ZNF704: variants seen among roughly 807,000 people sequenced by gnomAD.
The protein encoded by ZNF704 is glucocorticoid induced gene 1.
A neutral mutation model predicts 44.7 loss-of-function variants in ZNF704; 10 were observed. The ratio of observed to expected loss-of-function variants is 0.22; its 90% CI spans 0.14 to 0.38. The LOEUF is 0.38. Ranked by LOEUF, ZNF704 falls within the 10% of genes least tolerant of loss-of-function variation. The pLI is 1.00. For missense variants in ZNF704, 390 were observed against 545.5 expected, an observed-to-expected ratio of 0.71 and a Z score of 2.84; for synonymous variants, 211 against 207.6, an observed-to-expected ratio of 1.02 and a Z score of -0.14.
upstream of ZNF704, among the ~76,000 whole-genome samples, chr8:80,876,793 C>T (rs1404213048): frequency 1.3e-5 from 2 of 152,126 alleles, no homozygotes; most frequent in Non-Finnish European, 2.9e-5. Flanking sequence ...GGTAGGTAAA[C>T]AAGGTGGCTT....
At chr8:80,807,080 G>A (rs1206155148) in intron 2 of ZNF704, among the ~76,000 whole-genome samples, 2 of 152,176 alleles carry the variant, frequency 1.3e-5, no homozygotes, top group East Asian at 3.8e-4. Context: ...GCTCAGCTGG[G>A]TATGATTCCA....
intron 7 of ZNF704, among the ~76,000 whole-genome samples, chr8:80,649,404 C>T (rs548300928): frequency 6.6e-6 from 1 of 152,298 alleles, no homozygotes; most frequent in Non-Finnish European, 1.5e-5. Context: ...TCAGGGAATT[C>T]CCTTTCCTAG....
At chr8:80,781,847 G>C (rs1258449109) in intron 2 of ZNF704, among the ~76,000 whole-genome samples, 1 of 152,312 alleles carries the variant, frequency 6.6e-6, no homozygotes, top group African/African-American at 2.4e-5. Context: ...ATTGGGACTA[G>C]ATGAGAAAGC....
intron 2 of ZNF704, among the ~76,000 whole-genome samples, chr8:80,803,013 G>A (rs1038314315): frequency 3.9e-5 from 6 of 152,020 alleles, no homozygotes; most frequent in African/African-American, 7.2e-5. Context: ...AAAAATCAAC[G>A]TGCAAAAATC....
intron 2 of ZNF704, among the ~76,000 whole-genome samples, chr8:80,808,807 TG>T (rs1808035976): frequency 1.3e-5 from 2 of 152,264 alleles, no homozygotes; most frequent in African/African-American, 2.4e-5. Flanking sequence ...TTATCAACTG[TG>T]GTTAGAAAGA....
intron 2 of ZNF704, among the ~76,000 whole-genome samples, chr8:80,747,484 G>C (rs1806867016): frequency 1.3e-5 from 2 of 152,248 alleles, no homozygotes; most frequent in South Asian, 4.1e-4. Flanking sequence ...AGTAGGGAGT[G>C]GGACTGGGGA....
chr8:80,773,668 T>C (rs576345682), intron 2 of ZNF704, among the ~76,000 whole-genome samples: 5 of 152,364 alleles, frequency 3.3e-5, no homozygotes, highest in Non-Finnish European at 5.9e-5. Flanking sequence ...TGATTTGTGA[T>C]TCATTACTGA....
At chr8:80,770,359 T>C (rs1807300054) in intron 2 of ZNF704, among the ~76,000 whole-genome samples, 1 of 152,164 alleles carries the variant, frequency 6.6e-6, no homozygotes, top group Non-Finnish European at 1.5e-5. Flanking sequence ...TGGTAACCAT[T>C]AATTTGTTCT....
intron 1 of ZNF704, among the ~76,000 whole-genome samples, chr8:80,870,306 A>C (rs949821252): frequency 2.0e-5 from 3 of 152,238 alleles, no homozygotes; most frequent in Non-Finnish European, 4.4e-5. Context: ...TCTTTTAAAA[A>C]AACCTAGGCC....
intron 2 of ZNF704, among the ~76,000 whole-genome samples, chr8:80,702,296 G>C (rs185987289): frequency 6.6e-6 from 1 of 152,316 alleles, no homozygotes; most frequent in Admixed American, 6.5e-5. Context: ...AGAGTGGAGA[G>C]GACATTGCCA....
intron 2 of ZNF704, among the ~76,000 whole-genome samples, chr8:80,767,073 A>G (rs963890295): frequency 6.6e-6 from 1 of 152,142 alleles, no homozygotes; most frequent in Non-Finnish European, 1.5e-5. Flanking sequence ...ACTTTCCACA[A>G]TAAAAGTCCA....
At chr8:80,676,257 A>T (rs919898223) in intron 4 of ZNF704, among the ~76,000 whole-genome samples, 1 of 152,200 alleles carries the variant, frequency 6.6e-6, no homozygotes, top group Admixed American at 6.5e-5. Flanking sequence ...CTGACCTATG[A>T]GCAGTCAAGG....
At chr8:80,871,503 T>C (rs978944092) in intron 1 of ZNF704, among the ~76,000 whole-genome samples, 5 of 152,218 alleles carry the variant, frequency 3.3e-5, no homozygotes, top group African/African-American at 9.7e-5. Context: ...CTCTAAGATA[T>C]CATGATTTTC....
chr8:80,861,017 G>T (rs192328916), intron 1 of ZNF704, among the ~76,000 whole-genome samples: 1 of 152,158 alleles, frequency 6.6e-6, no homozygotes, highest in Non-Finnish European at 1.5e-5. Context: ...AATGAAAGAA[G>T]AATGTCCATC....
In ZNF704 at chr8:80,779,408, A is replaced by G. The variant is rs530634812; in HGVS notation, c.221+41966T>C. ...AGGAGCACACCACTACATCCAGCTA[A>G]TTTTTGTGGGTTATTCTTAACAAGT... On this transcript the variant is annotated intron_variant, in intron 2 of 8. Coordinates refer to ENST00000327835, the MANE Select transcript of ZNF704 (RefSeq NM_001033723.3). Among the ~76,000 whole-genome samples the G allele has an allele frequency of 4.6e-5, 7 of 152,064 alleles. No homozygotes were observed. The East Asian group carries it at 1.4e-3, about 29-fold the overall frequency.
chr8:80,646,450 T>C (rs1222906065), intron 7 of ZNF704, among the ~76,000 whole-genome samples: 1 of 147,194 alleles, frequency 6.8e-6, no homozygotes, highest in East Asian at 2.0e-4. Flanking sequence ...CACTCTAGCC[T>C]GGGCAACAGA....
At chr8:80,652,117 A>C (rs1040713657) in intron 7 of ZNF704, among the ~76,000 whole-genome samples, 23 of 152,244 alleles carry the variant, frequency 1.5e-4, no homozygotes, top group Non-Finnish European at 3.2e-4. Flanking sequence ...CTTTGAAACC[A>C]ATGAGAACAA....
At chr8:80,837,915 C>T (rs1406782789) in intron 1 of ZNF704, among the ~76,000 whole-genome samples, 1 of 152,168 alleles carries the variant, frequency 6.6e-6, no homozygotes, top group Non-Finnish European at 1.5e-5. Flanking sequence ...CTATCTTTGA[C>T]TTTTCCCCAC....
chr8:80,676,319 G>A (rs1049944508), intron 4 of ZNF704, among the ~76,000 whole-genome samples: 2 of 152,202 alleles, frequency 1.3e-5, no homozygotes, highest in Non-Finnish European at 2.9e-5. Context: ...GCTGATGGGA[G>A]TGACTGCAAA....
Sources: gnomAD v4.1 joint callset for allele counts (sites outside exome capture counted in the v4.1 genomes callset) on GRCh38, gnomAD v4.1.1 for gene constraint, MANE v1.5 for transcripts, NCBI Gene and HGNC (gene_info 2026-07-23, HGNC 2026-07-21) for gene names.